Variants in CSMD1 observed in about 807,000 individuals in gnomAD.
CSMD1 encodes CUB and Sushi multiple domains 1.
Under a neutral mutation model 417.5 loss-of-function variants are expected in CSMD1, and 213 were observed. The observed-to-expected ratio is 0.51, with a 90% CI of 0.46 to 0.57. CSMD1 has a LOEUF of 0.57. CSMD1 is among the 20% of genes least tolerant of loss of function. The pLI is 0.00. For missense variants in CSMD1, 6,923 were observed against 4,529.7 expected (o/e 1.53, Z -15.17); for synonymous variants, 2,862 against 1,736.8 (o/e 1.65, Z -16.11).
At chr8:4,526,303 G>C (rs1030537253) in intron 2 of CSMD1, among the ~76,000 whole-genome samples, 2 of 152,202 alleles carry the variant, frequency 1.3e-5, no homozygotes, top group Non-Finnish European at 2.9e-5. Flanking sequence ...AATAGGAAAT[G>C]TATTAATGTC....
intron 10 of CSMD1, among the ~76,000 whole-genome samples, chr8:3,536,380 A>G (rs1282884664): frequency 6.6e-6 from 1 of 152,220 alleles, no homozygotes; most frequent in Non-Finnish European, 1.5e-5. Flanking sequence ...TTCCATGACC[A>G]TTGATTCTAC....
intron 1 of CSMD1, among the ~76,000 whole-genome samples, chr8:4,986,823 T>G (rs189657441): frequency 2.0e-5 from 3 of 152,280 alleles, no homozygotes; most frequent in Admixed American, 2.0e-4. Context: ...TTTCATAGTA[T>G]AGTATATTCT....
chr8:4,707,564 C>A (rs1485331281), intron 1 of CSMD1, among the ~76,000 whole-genome samples: 1 of 151,976 alleles, frequency 6.6e-6, no homozygotes, highest in Non-Finnish European at 1.5e-5. Context: ...TAACTAAATT[C>A]CCAGGTTTTT....
chr8:3,331,237 CA>C (rs112278319), intron 23 of CSMD1, among the ~76,000 whole-genome samples: 56,613 of 128,282 alleles, frequency 0.44, 11,462 homozygotes, highest in South Asian at 0.53. Flanking sequence ...GACTCCGTCT[CA>C]AAAAAAAAAA....
chr8:3,996,695 T>C (rs994273698), intron 5 of CSMD1, among the ~76,000 whole-genome samples: 1 of 152,160 alleles, frequency 6.6e-6, no homozygotes, highest in African/African-American at 2.4e-5. Context: ...TTGTTCAGCA[T>C]GAAAAAAATT....
intron 5 of CSMD1, among the ~76,000 whole-genome samples, chr8:3,831,933 T>C (rs1282050749): frequency 6.6e-6 from 1 of 152,180 alleles, no homozygotes. Flanking sequence ...CCCCAGAGAT[T>C]AGTCCTGGAA....
At chr8:3,298,608 C>T (rs115158601) in intron 25 of CSMD1, among the ~76,000 whole-genome samples, 4 of 152,138 alleles carry the variant, frequency 2.6e-5, no homozygotes, top group African/African-American at 9.7e-5. Flanking sequence ...CGTGTGCCAA[C>T]ACAACTTGCT....
intron 37 of CSMD1, among the ~76,000 whole-genome samples, chr8:3,170,246 G>T (rs776296691): frequency 1.3e-5 from 2 of 151,834 alleles, no homozygotes; most frequent in African/African-American, 4.8e-5. Context: ...CTCGCTCTGT[G>T]GCCCAGGCTG....
At chr8:4,094,425 G>A (rs1013097642) in intron 3 of CSMD1, among the ~76,000 whole-genome samples, 1 of 152,170 alleles carries the variant, frequency 6.6e-6, no homozygotes, top group Admixed American at 6.5e-5. Flanking sequence ...GCGGTCAGGT[G>A]TGTGGATTTG....
At chr8:4,766,678 C>G (rs1812486866) in intron 1 of CSMD1, among the ~76,000 whole-genome samples, 1 of 152,180 alleles carries the variant, frequency 6.6e-6, no homozygotes. Context: ...CATGGTGGCT[C>G]CTGAGGGAAT....
intron 5 of CSMD1, among the ~76,000 whole-genome samples, chr8:3,761,459 C>A (rs1797993774): frequency 1.3e-5 from 2 of 149,298 alleles, no homozygotes; most frequent in South Asian, 2.1e-4. Flanking sequence ...AACTGTACCA[C>A]AGAAGAGTTT....
chr8:3,479,762 C>A (rs1817630692), intron 11 of CSMD1, among the ~76,000 whole-genome samples: 1 of 151,646 alleles, frequency 6.6e-6, no homozygotes, highest in African/African-American at 2.4e-5. Context: ...TGATGAAAGA[C>A]AATCAACCAA....
intron 2 of CSMD1, among the ~76,000 whole-genome samples, chr8:4,524,081 A>G (rs1281392218): frequency 6.6e-6 from 1 of 152,182 alleles, no homozygotes; most frequent in African/African-American, 2.4e-5. Flanking sequence ...ACGAACAACT[A>G]GACTCTGGAA....
intron 1 of CSMD1, among the ~76,000 whole-genome samples, chr8:4,814,193 ATT>A (rs1491500747): frequency 1.4e-5 from 2 of 148,066 alleles, no homozygotes; most frequent in African/African-American, 5.1e-5. Context: ...CTTCAGAATG[ATT>A]TTGTGTGTGT....
At chr8:3,447,456 A>C (rs1473293312) in intron 12 of CSMD1, among the ~76,000 whole-genome samples, 1 of 152,188 alleles carries the variant, frequency 6.6e-6, no homozygotes, top group Non-Finnish European at 1.5e-5. Context: ...GAAAATGAAA[A>C]GTATTTAGGG....
rs956188304 is a variant in CSMD1, at chr8:3,887,037, T to G, written c.818+110866A>C. ...TGGACTTCAGTGACCTTTCAAACTC[T>G]GCCTCACACATTTTCCCACCTACAC... On this transcript the variant is annotated intron_variant, in intron 5 of 69. Transcript: ENST00000635120. Among the ~76,000 whole-genome samples, 5 of 152,154 alleles carry G rather than the reference T, an allele frequency of 3.3e-5. No individual in the cohort carries two copies. The South Asian group carries it at 1.0e-3, about 32-fold the overall frequency.
At chr8:3,757,528 G>A (rs547946068) in intron 5 of CSMD1, among the ~76,000 whole-genome samples, 1 of 152,166 alleles carries the variant, frequency 6.6e-6, no homozygotes, top group African/African-American at 2.4e-5. Flanking sequence ...TGGCCTGCAG[G>A]TACTAGTTTG....
At chr8:3,286,765 C>G (rs1436292580) in intron 25 of CSMD1, among the ~76,000 whole-genome samples, 2 of 152,074 alleles carry the variant, frequency 1.3e-5, no homozygotes, top group Non-Finnish European at 2.9e-5. Flanking sequence ...TTCTCCCATT[C>G]TGTAGGTTGA....
chr8:3,997,542 C>T (rs1027029232), intron 5 of CSMD1, among the ~76,000 whole-genome samples: 1 of 152,156 alleles, frequency 6.6e-6, no homozygotes, highest in Non-Finnish European at 1.5e-5. Flanking sequence ...TTCTCGCTAA[C>T]GTGAGATAAA....
Sources: gnomAD v4.1 joint callset for allele counts (sites outside exome capture counted in the v4.1 genomes callset) on GRCh38, gnomAD v4.1.1 for gene constraint, MANE v1.5 for transcripts, NCBI Gene and HGNC (gene_info 2026-07-23, HGNC 2026-07-21) for gene names.